The following SLC1A6 variants were observed in gnomAD, a reference collection of about 807,000 sequenced individuals.
SLC1A6 encodes excitatory amino acid transporter 4.
SLC1A6 carries 15 observed loss-of-function variants against 42.1 expected under a neutral mutation model. That is an observed-to-expected ratio of 0.36 (90% confidence interval 0.24 to 0.55). The LOEUF (loss-of-function observed/expected upper bound fraction) is 0.55. SLC1A6 is among the 20% of genes least tolerant of loss of function. The pLI is 0.88. For synonymous variants in SLC1A6, 317 were observed against 319.7 expected (o/e 0.99, Z 0.09); for missense variants, 542 against 772.5 (o/e 0.70, Z 3.54).
intron 1 of SLC1A6, among the ~76,000 whole-genome samples, chr19:15,007,173 G>A (rs1324625197): frequency 5.9e-5 from 9 of 152,104 alleles, no homozygotes; most frequent in African/African-American, 2.2e-4. Context: ...CAAAGTTATG[G>A]TATATAAATG....
chr19:14,965,951 T>C (rs764777152), intron 4 of SLC1A6, among the ~76,000 whole-genome samples: 1 of 152,026 alleles, frequency 6.6e-6, no homozygotes, highest in Non-Finnish European at 1.5e-5. Context: ...CCACATACAG[T>C]ATTTCTCACT....
intron 7 of SLC1A6, among the ~76,000 whole-genome samples, chr19:14,955,438 A>AC (rs964441886): frequency 1.7e-4 from 26 of 151,806 alleles, no homozygotes; most frequent in African/African-American, 5.8e-4. Flanking sequence ...AACAACAACA[A>AC]AAAAAACTTA....
At chr19:14,981,389 A>G (rs1437022987), upstream of SLC1A6, among the ~76,000 whole-genome samples, 1 of 152,168 alleles carries the variant, frequency 6.6e-6, no homozygotes, top group Non-Finnish European at 1.5e-5. Context: ...CCCAGGCATC[A>G]GTATATTTGA....
intron 8 of SLC1A6, 21 bp downstream of exon 8, chr19:14,954,114 G>A (rs754213399): frequency 1.9e-6 from 3 of 1,571,838 alleles, no homozygotes; most frequent in Non-Finnish European, 2.6e-6. Flanking sequence ...CTGCTGGCAG[G>A]TCCTACCCAA....
chr19:14,978,442 C>T (rs1194975624), intron 1 of SLC1A6, among the ~76,000 whole-genome samples: 2 of 151,980 alleles, frequency 1.3e-5, no homozygotes, highest in Non-Finnish European at 2.9e-5. Flanking sequence ...TCGAAAACCT[C>T]TTGTATGCAA....
At chr19:14,958,863 T>G (rs540967811) in intron 6 of SLC1A6, among the ~76,000 whole-genome samples, 1 of 152,216 alleles carries the variant, frequency 6.6e-6, no homozygotes, top group Non-Finnish European at 1.5e-5. Flanking sequence ...TGCTTATCCT[T>G]AATAAGCTCC....
At chr19:14,986,650 G>A (rs1180964123) in intron 1 of SLC1A6, among the ~76,000 whole-genome samples, 1 of 150,840 alleles carries the variant, frequency 6.6e-6, no homozygotes, top group East Asian at 1.9e-4. Context: ...GAGTGCAGTG[G>A]TGCAATCATA....
At chr19:15,000,985 C>A (rs951412248) in intron 1 of SLC1A6, among the ~76,000 whole-genome samples, 2 of 152,164 alleles carry the variant, frequency 1.3e-5, no homozygotes, top group Admixed American at 1.3e-4. Context: ...TTTGGGTTAT[C>A]CCACAAACAG....
intron 5 of SLC1A6, among the ~76,000 whole-genome samples, chr19:14,963,027 C>T (rs2045533106): frequency 6.6e-6 from 1 of 152,144 alleles, no homozygotes; most frequent in Non-Finnish European, 1.5e-5. Flanking sequence ...GTACTATTCA[C>T]AATAGCCAAG....
Position 14,975,883 on chromosome 19 carries a change from A to AGGGAAGG in SLC1A6, c.-7-2973_-7-2967dup, listed in dbSNP as rs1286959948. 2.7e-3 allele frequency among the ~76,000 whole-genome samples: 92 copies of AGGGAAGG among 34,194 alleles called. 1 individual carries two copies. Among genetic ancestry groups the AGGGAAGG allele is most frequent in the African/African-American group, 9.3e-3 (65 of 7,024 alleles). The allele number at this position is 34,194 out of a possible 152,430, so 22.4% of individuals were successfully genotyped here. On this transcript the variant is annotated intron_variant, in intron 1 of 9. Transcript: ENST00000594383. Reference sequence around the variant, plus strand: ...AGGGAAGGGAAGGAAAGGGAAGGGAAGGGAAGGGAAGGAAAGGGAAGGGGG... The same window carrying AGGGAAGG: ...AGGGAAGGGAAGGAAAGGGAAGGGAAGGGAAGGGGGAAGGGAAGGAAAGGGAAGGGGG...
At chr19:14,953,822 A>G (rs2045435385) in intron 8 of SLC1A6, among the ~76,000 whole-genome samples, 1 of 152,204 alleles carries the variant, frequency 6.6e-6, no homozygotes, top group Non-Finnish European at 1.5e-5. Flanking sequence ...GCCTACAAAT[A>G]TAAGAATCTA....
Position 15,007,202 on chromosome 19 carries a change from C to T in SLC1A6, c.6+3283G>A, listed in dbSNP as rs973666605. 4.6e-5 allele frequency among the ~76,000 whole-genome samples: 7 copies of T among 152,192 alleles called. No individual in the cohort carries two copies. In the South Asian group the frequency reaches 1.2e-3, roughly 27 times the overall value. On this transcript the variant is annotated intron_variant, in intron 1 of 8. Coordinates refer to the SLC1A6 transcript ENST00000430939. ...ATAAATGCAATGGAATATGATTCAG[C>T]CATGAAAAGGACAGAAGCACTGATC...
chr19:14,951,441 G>T (rs1213926633), intron 9 of SLC1A6, among the ~76,000 whole-genome samples: 1 of 152,140 alleles, frequency 6.6e-6, no homozygotes, highest in Non-Finnish European at 1.5e-5. Flanking sequence ...TCAGCTGACA[G>T]CTCCCATGTG....
chr19:14,960,479 G>A (rs1392414615), intron 6 of SLC1A6, among the ~76,000 whole-genome samples: 1 of 152,200 alleles, frequency 6.6e-6, no homozygotes, highest in Admixed American at 6.5e-5. Context: ...ATAGAAAAAT[G>A]AGAATGAATA....
intron 1 of SLC1A6, chr19:14,974,163 C>A (rs925403172): frequency 6.6e-6 from 1 of 152,092 alleles, no homozygotes; most frequent in Non-Finnish European, 1.5e-5. Flanking sequence ...TCGAGACCAG[C>A]CTGGCCAACA....
intron 1 of SLC1A6, among the ~76,000 whole-genome samples, chr19:14,991,854 T>A (rs1481499858): frequency 2.7e-5 from 1 of 37,524 alleles, no homozygotes; most frequent in African/African-American, 1.2e-4. Context: ...TTTTTTTTTT[T>A]CTAGAGGGAG....
chr19:14,999,090 T>C (rs2045861220), intron 1 of SLC1A6, among the ~76,000 whole-genome samples: 1 of 151,908 alleles, frequency 6.6e-6, no homozygotes, highest in Admixed American at 6.6e-5. Flanking sequence ...GTGTTAGCCA[T>C]GATGGTCTCA....
Position 14,968,442 on chromosome 19 carries a change from C to T in SLC1A6, c.409G>A (p.Val137Met). The T allele has an allele frequency of 6.2e-7, 1 of 1,613,680 alleles. No individual in the cohort carries two copies. The highest frequency in any genetic ancestry group is 8.5e-7 in the Non-Finnish European group (1 of 1,179,866). The change falls in exon 4 of 10, where the codon GTG becomes ATG. Residue 137 changes from valine to methionine, a missense_variant. This residue lies in a region of SLC1A6 where 298 missense variants were observed against 419.4 expected (regional missense o/e 0.71). Coordinates refer to ENST00000594383, the MANE Select transcript of SLC1A6 (RefSeq NM_005071.3). ...MGMRAAVYYM[V>M]TTIIAVFIGI... is the part of the protein sequence containing the mutation. ...ATGAAGACCGCGATGATGGTGGTCA[C>T]CATGTAGTACACAGCTGCCCGCATC...
At chr19:14,951,678 G>A (rs1274900354) in intron 9 of SLC1A6, among the ~76,000 whole-genome samples, 2 of 151,898 alleles carry the variant, frequency 1.3e-5, no homozygotes, top group African/African-American at 2.4e-5. Flanking sequence ...CACTAGGCCC[G>A]GCTAATTTTT....
Sources: allele counts gnomAD v4.1 joint callset (sites outside exome capture counted in the v4.1 genomes callset), GRCh38; gene constraint gnomAD v4.1.1; regional missense constraint gnomAD v4.1.1; transcripts MANE v1.5; gene names NCBI Gene and HGNC (gene_info 2026-07-23, HGNC 2026-07-21).